The following HELZ2 variants were observed in gnomAD, a reference collection of about 807,000 sequenced individuals.
HELZ2 encodes the protein 3'-5' exoribonuclease HELZ2.
Under a neutral mutation model 208.8 loss-of-function variants are expected in HELZ2, and 143 were observed. The observed-to-expected ratio is 0.68, with a 90% CI of 0.60 to 0.79. The LOEUF (loss-of-function observed/expected upper bound fraction) is 0.79, where lower values mean the gene tolerates loss of function less well. Among genes scored for constraint, HELZ2 ranks in the 30% least tolerant of loss-of-function variants. The pLI, the probability that HELZ2 is intolerant of heterozygous loss-of-function variation, is 0.00. For missense variants in HELZ2, 3,690 were observed against 3,794.5 expected (o/e 0.97, Z 0.72); for synonymous variants, 1,705 against 1,693.7 (o/e 1.01, Z -0.16).
chr20:63,571,959 C>T (rs376148994), intron 1 of HELZ2, 149 bp downstream of exon 2: 70 of 741,516 alleles, frequency 9.4e-5, no homozygotes, highest in Middle Eastern at 8.4e-4. Context: ...GCTCTGCCTA[C>T]GGTGGGCTCC....
At position 63,570,444 on chromosome 20, in the gene HELZ2, G is replaced by A. The variant is rs751265028; in HGVS notation, c.570+60C>T. The A allele has an allele frequency of 5.7e-6, 8 of 1,407,304 alleles. No individual in the cohort carries two copies. The Admixed American group carries it at 1.2e-4, about 22-fold the overall frequency. 87.2% of individuals were successfully genotyped at this position (1,407,304 alleles called of 1,614,324 possible). A position where few individuals can be genotyped will look rare whatever the true frequency, so the allele number is the denominator to read the frequency against. On this transcript the variant is annotated intron_variant, in intron 3 of 18. Transcript: ENST00000467148. ...GACCCAGGCTGTTGACGTCTGCCCG[G>A]GCTGAAGTCACCACTTCCCCAGGGC...
At chr20:63,560,864 C>T (rs749181945) in exon 15 of HELZ2, 4 of 1,613,278 alleles carry the variant, frequency 2.5e-6, no homozygotes, top group Non-Finnish European at 3.4e-6. Context: ...GGTCCAGACC[C>T]AGGTTTTGCA....
intron 14 of HELZ2, 53 bp from the exon 16 acceptor site, chr20:63,560,982 A>C: frequency 6.2e-7 from 1 of 1,600,830 alleles, no homozygotes; most frequent in South Asian, 1.1e-5. Context: ...GAGGGACCCC[A>C]GCCCCACACG....
At chr20:63,565,260 G>T in exon 8 of HELZ2, 1 of 1,606,438 alleles carries the variant, frequency 6.2e-7, no homozygotes, top group Non-Finnish European at 8.5e-7. Flanking sequence ...ACGCGGCCCC[G>T]AAGCCGCCCC....
exon 8 of HELZ2, chr20:63,564,545 G>A (rs1313700327): frequency 6.4e-7 from 1 of 1,572,422 alleles, no homozygotes; most frequent in Non-Finnish European, 8.6e-7. Flanking sequence ...CAGGGAGATG[G>A]CCAGGCGGTC....
chr20:63,564,031 G>A (rs1465254953), exon 8 of HELZ2: 6 of 1,604,734 alleles, frequency 3.7e-6, no homozygotes, highest in African/African-American at 1.3e-5. Flanking sequence ...AGGCCAGGAG[G>A]TGCAGCCGCG....
chr20:63,559,765 G>A (rs1053676620), intron 18 of HELZ2, among the ~76,000 whole-genome samples, 163 bp downstream of exon 19: 1 of 122,766 alleles, frequency 8.1e-6, no homozygotes, highest in Non-Finnish European at 1.7e-5. Context: ...GGAGGAGTCA[G>A]GGTCAGATGG....
chr20:63,566,852 C>T (rs1203692082), exon 6 of HELZ2: 23 of 1,596,388 alleles, frequency 1.4e-5, no homozygotes, highest in Non-Finnish European at 1.5e-5. Context: ...ACCTGGGCAC[C>T]GTGGGAAACG....
chr20:63,562,502 C>G lies in HELZ2; in HGVS notation c.6302+18G>C. The G allele has an allele frequency of 6.4e-7, 1 of 1,553,374 alleles. No homozygotes were observed. The highest frequency in any genetic ancestry group is 1.7e-4 in the Middle Eastern group (1 of 5,972). On this transcript the variant is annotated intron_variant, in intron 8 of 18. Coordinates refer to ENST00000467148, the Ensembl canonical transcript of HELZ2. ...GGGCGGTCCCCCAGCCCAGCCTCTGCTGGTGGAAGCCACTCACAGATCAGG... is the reference window on the plus strand; with the variant it reads ...GGGCGGTCCCCCAGCCCAGCCTCTGGTGGTGGAAGCCACTCACAGATCAGG...
chr20:63,567,562 G>A (rs1171287717), exon 6 of HELZ2: 1 of 1,583,398 alleles, frequency 6.3e-7, no homozygotes, highest in Non-Finnish European at 8.6e-7. Context: ...ACGGAGAGGA[G>A]TGGCCTCGGG....
upstream of HELZ2, chr20:63,574,213 T>C (rs893369305): frequency 7.0e-6 from 1 of 142,768 alleles, no homozygotes. Context: ...CTGCCGAGCC[T>C]GCCCAGGAGC....
downstream of HELZ2, chr20:63,558,221 A>G (rs1274827475): frequency 1.3e-5 from 2 of 152,502 alleles, no homozygotes; most frequent in African/African-American, 4.8e-5. Flanking sequence ...ACAGAGCCGC[A>G]CTGAAGCGGG....
At chr20:63,566,266 C>A (rs45519633) in intron 7 of HELZ2, 35 bp from the exon 9 acceptor site, 1 of 1,491,038 alleles carries the variant, frequency 6.7e-7, no homozygotes, top group East Asian at 2.5e-5. Flanking sequence ...AGGCTGGGTG[C>A]GCAAGACGGT....
At chr20:63,564,610 C>T in exon 8 of HELZ2, 3 of 1,568,088 alleles carry the variant, frequency 1.9e-6, no homozygotes, top group Non-Finnish European at 2.6e-6. Context: ...GCAGCATGGG[C>T]ACTGGCTCCC....
rs368168996 is a variant in HELZ2 at position 63,572,307 on chromosome 20, C to T, written c.79G>A (p.Gly27Arg). 1.0e-4 allele frequency: 160 copies of T among 1,586,676 alleles called. No homozygotes were observed. The highest frequency in any genetic ancestry group is 3.4e-4 in the Admixed American group (19 of 56,016). ...GGCTGGCCAAGGGGGGCCGTGCGCC[C>T]GTCGCCATCAGGGGCAGGGGGTGTG... is the stretch of plus-strand genomic sequence containing the variant. The change falls in exon 1 of 19, where the codon GGG becomes AGG. Residue 27 changes from glycine to arginine, a missense_variant. This residue lies in a region of HELZ2 where 1,119 missense variants were observed against 1,193.4 expected (regional missense o/e 0.94). Coordinates refer to ENST00000467148, the Ensembl canonical transcript of HELZ2.
chr20:63,564,214 C>A, exon 8 of HELZ2: 1 of 1,611,882 alleles, frequency 6.2e-7, no homozygotes. Flanking sequence ...GGAACTCAGC[C>A]ACGAGCCTAT....
chr20:63,566,080 G>T, exon 8 of HELZ2: 1 of 1,586,292 alleles, frequency 6.3e-7, no homozygotes, highest in Non-Finnish European at 8.5e-7. Context: ...GGGCCACGGC[G>T]TCCCCCACTA....
chr20:63,573,693 C>T (rs1331571778), upstream of HELZ2, among the ~76,000 whole-genome samples: 1 of 152,162 alleles, frequency 6.6e-6, no homozygotes, highest in Non-Finnish European at 1.5e-5. This position sits in a 1 kb window ranked among gnomAD's most constrained non-coding sequence, Gnocchi z 4.9. Flanking sequence ...GAGGACTCCA[C>T]ATCTGCACCT....
chr20:63,567,036 G>A (rs781074465), exon 6 of HELZ2: 5 of 1,611,968 alleles, frequency 3.1e-6, no homozygotes, highest in Admixed American at 3.3e-5. Context: ...AGTGCCGGGG[G>A]TGGGGCGGAA....
Sources: allele counts gnomAD v4.1 joint callset (sites outside exome capture counted in the v4.1 genomes callset), GRCh38; gene constraint gnomAD v4.1.1; regional missense constraint gnomAD v4.1.1; non-coding constraint Gnocchi (gnomAD v3.1); transcripts MANE v1.5; gene names NCBI Gene and HGNC (gene_info 2026-07-23, HGNC 2026-07-21).